The following USP28 variants were observed in gnomAD, a reference collection of about 807,000 sequenced individuals.
The protein encoded by USP28 is ubiquitin carboxyl-terminal hydrolase 28.
Under a neutral mutation model 145.0 loss-of-function variants are expected in USP28, and 113 were observed. The observed-to-expected ratio is 0.78, with a 90% confidence interval of 0.67 to 0.91. The LOEUF (loss-of-function observed/expected upper bound fraction) is 0.91, where lower values mean the gene tolerates loss of function less well. USP28 is among the 40% of genes least tolerant of loss of function. USP28 has a pLI of 0.00. For missense variants in USP28, 1,201 were observed against 1,289.6 expected (o/e 0.93, Z 1.05); for synonymous variants, 447 against 450.9 (o/e 0.99, Z 0.11).
At chr11:113,842,132 A>C (rs535568179) in intron 3 of USP28, among the ~76,000 whole-genome samples, 2 of 152,360 alleles carry the variant, frequency 1.3e-5, no homozygotes, top group Admixed American at 6.5e-5. Context: ...CTCATACAAA[A>C]TATTCCAGAG....
At chr11:113,808,121 G>A (rs746196512) in intron 18 of USP28, 63 of 1,505,766 alleles carry the variant, frequency 4.2e-5, no homozygotes, top group South Asian at 2.5e-5. Context: ...GGCTTCTTGG[G>A]TTCAGCTTCT....
At position 113,808,954 on chromosome 11, in the gene USP28, T is replaced by C; in HGVS notation, c.2164+109A>G. The C allele has an allele frequency of 9.6e-6, 10 of 1,039,666 alleles. No homozygotes were observed. The South Asian group carries it at 1.5e-4, about 16-fold the overall frequency. 64.4% of individuals were successfully genotyped at this position (1,039,666 alleles called of 1,614,324 possible). A position where few individuals can be genotyped will look rare whatever the true frequency, so the allele number is the denominator to read the frequency against. On this transcript the variant is annotated intron_variant, in intron 17 of 24. Coordinates refer to ENST00000003302, the Ensembl canonical transcript of USP28. ...TGGCATACCAACTGTATATGAAATA[T>C]ACTGTGAAGACTGTGGCATCACCTA... is the stretch of plus-strand genomic sequence containing the variant.
chr11:113,863,628 A>T (rs1428418150), intron 1 of USP28, among the ~76,000 whole-genome samples: 2 of 134,098 alleles, frequency 1.5e-5, no homozygotes, highest in African/African-American at 5.6e-5. Context: ...CTGGCAACAG[A>T]GTGAGACCCT....
chr11:113,829,334 A>G (rs1365857583), exon 10 of USP28: 2 of 1,614,048 alleles, frequency 1.2e-6, no homozygotes, highest in Non-Finnish European at 1.7e-6. Flanking sequence ...TCATTGTTAC[A>G]AAAGGGTTTT....
At chr11:113,869,166 C>T (rs1399583986) in intron 1 of USP28, among the ~76,000 whole-genome samples, 1 of 152,046 alleles carries the variant, frequency 6.6e-6, no homozygotes, top group African/African-American at 2.4e-5. Context: ...GGTTCGGTGG[C>T]TCACGCCTAT....
rs781116772 is a variant in USP28 at position 113,809,272 on chromosome 11, T to TA, written c.1973-19dup. 2.5e-6 allele frequency: 4 copies of TA among 1,609,796 alleles called. No homozygotes were observed. Among genetic ancestry groups the TA allele is most frequent in the South Asian group, 1.1e-5 (1 of 90,860 alleles). On this transcript the variant is annotated intron_variant, in intron 16 of 24. Coordinates refer to ENST00000003302, the Ensembl canonical transcript of USP28. ...GGCTGCCTCTGAGGAAAAGCAAAGATAGAGTTAAAAGGTCACAAGGAACGA... is the reference window on the plus strand; with the variant it reads ...GGCTGCCTCTGAGGAAAAGCAAAGATAAGAGTTAAAAGGTCACAAGGAACGA...
At chr11:113,842,343 T>C (rs865926456) in intron 3 of USP28, among the ~76,000 whole-genome samples, 218 of 152,120 alleles carry the variant, frequency 1.4e-3, no homozygotes, top group African/African-American at 5.1e-3. Context: ...CCCAGCACTT[T>C]GGGAGGCCGA....
At chr11:113,874,650 TAA>T (rs1949191239) in intron 1 of USP28, 1 of 1,279,230 alleles carries the variant, frequency 7.8e-7, no homozygotes, top group Non-Finnish European at 1.0e-6. Context: ...GAGGTGGTGT[TAA>T]GTTATAACAT....
intron 23 of USP28, 140 bp downstream of exon 24, chr11:113,803,018 G>T: frequency 1.0e-6 from 1 of 965,400 alleles, no homozygotes; most frequent in East Asian, 2.8e-5. Context: ...CTGTTCCAAT[G>T]TAAAACTGTT....
chr11:113,852,445 G>T, intron 3 of USP28, 56 bp downstream of exon 3: 1 of 1,606,140 alleles, frequency 6.2e-7, no homozygotes, highest in South Asian at 1.1e-5. Flanking sequence ...CATATACTTG[G>T]TTTGTTATTT....
intron 1 of USP28, among the ~76,000 whole-genome samples, chr11:113,866,681 C>T (rs926214076): frequency 9.2e-5 from 14 of 152,264 alleles, no homozygotes; most frequent in African/African-American, 3.4e-4. Flanking sequence ...AACTAGAACC[C>T]TTGTGTATTG....
chr11:113,827,204 G>GCA, intron 11 of USP28, 29 bp downstream of exon 11: 4 of 1,588,396 alleles, frequency 2.5e-6, no homozygotes, highest in South Asian at 1.2e-5. Context: ...TAATACCTCA[G>GCA]GAAAAAAAAA....
intron 11 of USP28, among the ~76,000 whole-genome samples, chr11:113,826,768 A>C (rs1232170770): frequency 6.6e-6 from 1 of 151,790 alleles, no homozygotes; most frequent in East Asian, 2.0e-4. Context: ...AAAAATATAA[A>C]ATTAGCCGGG....
Position 113,853,738 on chromosome 11 carries a change from G to A in USP28, c.135+520C>T, listed in dbSNP as rs1305923035. Among the ~76,000 whole-genome samples the A allele has an allele frequency of 9.2e-5, 14 of 152,096 alleles. No individual in the cohort carries two copies. In the East Asian group the frequency reaches 2.7e-3, roughly 30 times the overall value. On this transcript the variant is annotated intron_variant, in intron 2 of 24. Transcript: ENST00000003302. ...AAAAATACAAAAATTAGCCAGGTGT[G>A]GTGGCGCATGCCTGTAATCCCAGCT...
At chr11:113,870,207 A>G (rs1246906827) in intron 1 of USP28, among the ~76,000 whole-genome samples, 1 of 152,114 alleles carries the variant, frequency 6.6e-6, no homozygotes, top group Non-Finnish European at 1.5e-5. Flanking sequence ...AGTGGTAATG[A>G]GGGATCATAA....
Position 113,815,246 on chromosome 11 carries a change from T to G in USP28, c.1600A>C (p.Thr534Pro), listed in dbSNP as rs1011455637. 5 of 1,614,186 alleles carry G rather than the reference T, an allele frequency of 3.1e-6. No homozygotes were observed. The African/African-American group carries it at 6.7e-5, about 22-fold the overall frequency. The change falls in exon 14 of 25, where the codon ACA becomes CCA. Residue 534 changes from threonine to proline, a missense_variant. Coordinates refer to ENST00000003302, the Ensembl canonical transcript of USP28. ...TTAACAAAATTTATCTCCTCATCTG[T>G]GACTGTTCGTGGAGCTGGCTGTGAA...
Position 113,875,430 on chromosome 11 carries a change from C to T in USP28, c.57+15G>A. ...GAGCCCGCCCCCAGCTCCCGCTCGC[C>T]GCCGCGGAGCCCACCGAGCCGTGGC... On this transcript the variant is annotated intron_variant, in intron 1 of 24. Coordinates refer to ENST00000003302, the Ensembl canonical transcript of USP28. The T allele has an allele frequency of 8.0e-7, 1 of 1,244,384 alleles. No homozygotes were observed. Among genetic ancestry groups the T allele is most frequent in the Non-Finnish European group, 1.0e-6 (1 of 988,482 alleles). The allele number at this position is 1,244,384 out of a possible 1,614,324, so 77.1% of individuals were successfully genotyped here.
chr11:113,858,183 AG>A (rs990277261), intron 1 of USP28, among the ~76,000 whole-genome samples: 1 of 152,148 alleles, frequency 6.6e-6, no homozygotes, highest in Non-Finnish European at 1.5e-5. Flanking sequence ...CTTTTTTTAA[AG>A]GCTACTGGGT....
chr11:113,829,044 G>T, intron 10 of USP28, 153 bp downstream of exon 10: 1 of 956,172 alleles, frequency 1.0e-6, no homozygotes, highest in Non-Finnish European at 1.6e-6. Context: ...GATACTCACT[G>T]ACTCACATCA....
Sources: gnomAD v4.1 joint callset for allele counts (sites outside exome capture counted in the v4.1 genomes callset) on GRCh38, gnomAD v4.1.1 for gene constraint, MANE v1.5 for transcripts, NCBI Gene and HGNC (gene_info 2026-07-23, HGNC 2026-07-21) for gene names.